Variants in ACTN1 observed in about 807,000 individuals in gnomAD.
ACTN1 encodes actinin alpha 1, also known as alpha-actinin-1.
ACTN1 carries 30 observed loss-of-function variants against 119.6 expected under a neutral mutation model. That is an observed-to-expected ratio of 0.25 (90% CI 0.19 to 0.34). The LOEUF (loss-of-function observed/expected upper bound fraction) is 0.34. ACTN1 is among the 10% of genes least tolerant of loss of function. The probability of loss-of-function intolerance (pLI) is 1.00; values close to 1 mark genes in which losing one functional copy is unlikely to be tolerated. For synonymous variants in ACTN1, 429 were observed against 472.6 expected (o/e 0.91, Z 1.20); for missense variants, 764 against 1,223.4 (o/e 0.62, Z 5.60).
At chr14:68,946,466 C>T (rs1455246625) in intron 1 of ACTN1, among the ~76,000 whole-genome samples, 1 of 152,196 alleles carries the variant, frequency 6.6e-6, no homozygotes, top group Non-Finnish European at 1.5e-5. Flanking sequence ...TTCTAGAAAA[C>T]TTCCCAGCCC....
chr14:68,942,613 TAGAC>T (rs142978545), intron 1 of ACTN1, among the ~76,000 whole-genome samples: 7,573 of 152,228 alleles, frequency 0.05, 255 homozygotes, highest in Admixed American at 0.093. Context: ...TTACACCTAA[TAGAC>T]AGGCAAACAA....
chr14:68,950,635 C>T lies in ACTN1; in HGVS notation c.106-24963G>A, dbSNP rs147577835. Among the ~76,000 whole-genome samples the T allele has an allele frequency of 4.0e-3, 610 of 150,666 alleles. 8 individuals carry two copies. Among genetic ancestry groups the T allele is most frequent in the African/African-American group, 0.014 (556 of 40,652 alleles). On this transcript the variant is annotated intron_variant, in intron 1 of 21. Coordinates refer to ENST00000394419, the MANE Select transcript of ACTN1 (RefSeq NM_001130004.2). ...GGAATGCAGTGGTATGATCTCGGCT[C>T]ACTGCAAGCTCCGCCTCCCTGGTTC...
chr14:68,885,630 C>A lies in ACTN1; in HGVS notation c.1235-55G>T. 2 of 1,580,824 alleles carry A rather than the reference C, an allele frequency of 1.3e-6. No individual in the cohort carries two copies. The highest frequency in any genetic ancestry group is 2.3e-5 in the South Asian group (2 of 88,374). On this transcript the variant is annotated intron_variant, in intron 11 of 21. Coordinates refer to ENST00000394419, the MANE Select transcript of ACTN1 (RefSeq NM_001130004.2). The surrounding 1 kb of genome is among the most constrained non-coding windows in gnomAD (Gnocchi z 5.6). ...CTGGAGTGAGAAGCATCTCCTTGGT[C>A]CCAACCGCCCACCCCTCAGGGCCCC...
chr14:68,974,575 CGT>C (rs1290318902), intron 1 of ACTN1, among the ~76,000 whole-genome samples: 2 of 151,926 alleles, frequency 1.3e-5, no homozygotes, highest in African/African-American at 2.4e-5. Flanking sequence ...CACACACACA[CGT>C]GGCTGAAATG....
intron 1 of ACTN1, among the ~76,000 whole-genome samples, chr14:68,964,910 C>G (rs985388303): frequency 1.3e-5 from 2 of 152,138 alleles, no homozygotes; most frequent in African/African-American, 2.4e-5. Context: ...AGTGTAAGGG[C>G]CCGCATGTGG....
intron 1 of ACTN1, among the ~76,000 whole-genome samples, chr14:68,960,547 C>A (rs1360105648): frequency 6.6e-6 from 1 of 152,132 alleles, no homozygotes; most frequent in Non-Finnish European, 1.5e-5. Context: ...AAACTAACCT[C>A]TTTTAACATT....
At chr14:68,956,234 G>C (rs1051289309) in intron 1 of ACTN1, among the ~76,000 whole-genome samples, 1 of 152,198 alleles carries the variant, frequency 6.6e-6, no homozygotes, top group Non-Finnish European at 1.5e-5. Flanking sequence ...GGGAAGCAGA[G>C]GGAGGGGGAT....
intron 3 of ACTN1, among the ~76,000 whole-genome samples, chr14:68,913,564 T>C (rs2034123287): frequency 6.6e-6 from 1 of 152,128 alleles, no homozygotes; most frequent in Non-Finnish European, 1.5e-5. Flanking sequence ...TTAGCCCCTT[T>C]CCCAAAAGTG....
chr14:68,943,645 G>GAATC (rs2035837964), intron 1 of ACTN1, among the ~76,000 whole-genome samples: 2 of 152,162 alleles, frequency 1.3e-5, no homozygotes, highest in South Asian at 4.1e-4. Context: ...GAAGGAGAGG[G>GAATC]AATCATATCC....
chr14:68,938,344 AG>A (rs1178278891), intron 1 of ACTN1, among the ~76,000 whole-genome samples: 1 of 152,100 alleles, frequency 6.6e-6, no homozygotes, highest in East Asian at 1.9e-4. Flanking sequence ...GATTCAGAGT[AG>A]GGGGGACTGG....
At chr14:68,956,995 A>G (rs1329323064) in intron 1 of ACTN1, among the ~76,000 whole-genome samples, 1 of 151,826 alleles carries the variant, frequency 6.6e-6, no homozygotes, top group African/African-American at 2.4e-5. Context: ...CCCAAACAAC[A>G]CAAACAGCAG....
intron 3 of ACTN1, among the ~76,000 whole-genome samples, chr14:68,917,716 C>T (rs1255408103): frequency 6.6e-6 from 1 of 152,186 alleles, no homozygotes; most frequent in Non-Finnish European, 1.5e-5. Flanking sequence ...CTGGAAGCCA[C>T]AGCTGAAAAC....
intron 1 of ACTN1, among the ~76,000 whole-genome samples, chr14:68,939,810 T>A (rs1418206870): frequency 6.6e-6 from 1 of 152,228 alleles, no homozygotes. Flanking sequence ...AGCTGTTATT[T>A]CTCTTTTAAA....
At chr14:68,916,049 T>C (rs2034275321) in intron 3 of ACTN1, among the ~76,000 whole-genome samples, 2 of 152,202 alleles carry the variant, frequency 1.3e-5, no homozygotes. Context: ...AACGCAGACA[T>C]TAATGCTTAT....
intron 1 of ACTN1, among the ~76,000 whole-genome samples, chr14:68,953,077 C>T (rs947286263): frequency 3.3e-5 from 5 of 152,116 alleles, no homozygotes; most frequent in African/African-American, 7.2e-5. Context: ...CACCCCTGTC[C>T]CCAGGGGACT....
At chr14:68,884,680 A>G in intron 13 of ACTN1, 95 bp downstream of exon 13, 2 of 1,078,626 alleles carry the variant, frequency 1.9e-6, no homozygotes, top group Middle Eastern at 4.1e-4. Context: ...GAAGCCATAG[A>G]GTCTTTTAGC....
At chr14:68,959,669 A>G (rs2036460445) in intron 1 of ACTN1, among the ~76,000 whole-genome samples, 1 of 152,136 alleles carries the variant, frequency 6.6e-6, no homozygotes, top group South Asian at 2.1e-4. Flanking sequence ...AAAAAATCAA[A>G]CTCATAGAAG....
At chr14:68,891,250 CTG>C (rs1242922981) in intron 10 of ACTN1, among the ~76,000 whole-genome samples, 2 of 152,166 alleles carry the variant, frequency 1.3e-5, no homozygotes. Flanking sequence ...ACATTTTCTT[CTG>C]TGTGTTTCTC....
chr14:68,928,857 G>C (rs775003107), intron 1 of ACTN1, among the ~76,000 whole-genome samples: 1 of 152,032 alleles, frequency 6.6e-6, no homozygotes, highest in African/African-American at 2.4e-5. Flanking sequence ...ACCCCACCAC[G>C]CGCTGTACTG....
Sources: gnomAD v4.1 joint callset for allele counts (sites outside exome capture counted in the v4.1 genomes callset) on GRCh38, gnomAD v4.1.1 for gene constraint, Gnocchi (gnomAD v3.1) non-coding constraint, MANE v1.5 for transcripts, NCBI Gene and HGNC (gene_info 2026-07-23, HGNC 2026-07-21) for gene names.